The following TAX1BP1 variants were observed in gnomAD, a reference collection of about 807,000 sequenced individuals.
The protein encoded by TAX1BP1 is Tax1 binding protein 1.
In TAX1BP1, 62 loss-of-function variants were observed where a neutral mutation model predicts 97.7. The observed-to-expected ratio is 0.63, with a 90% CI of 0.52 to 0.78. The LOEUF (loss-of-function observed/expected upper bound fraction) is 0.78, where lower values mean the gene tolerates loss of function less well. Among genes scored for constraint, TAX1BP1 ranks in the 30% least tolerant of loss-of-function variants. The probability of loss-of-function intolerance (pLI) is 0.00; values close to 1 mark genes in which losing one functional copy is unlikely to be tolerated. For synonymous variants in TAX1BP1, 340 were observed against 304.2 expected, an observed-to-expected ratio of 1.12 and a Z score of -1.23; for missense variants, 867 against 916.1, an observed-to-expected ratio of 0.95 and a Z score of 0.69.
chr7:27,749,311 T>A (rs1439101686), intron 2 of TAX1BP1, among the ~76,000 whole-genome samples: 35 of 152,198 alleles, frequency 2.3e-4, no homozygotes, highest in Admixed American at 2.3e-3. Flanking sequence ...TTTTAACTCT[T>A]CAAAATGTAG....
chr7:27,794,276 T>C, intron 10 of TAX1BP1, 47 bp from the exon 11 acceptor site: 1 of 1,500,010 alleles, frequency 6.7e-7, no homozygotes, highest in Non-Finnish European at 9.1e-7. Context: ...GGAGGAAATA[T>C]AACTAATTCA....
chr7:27,760,832 T>C (rs574903913), intron 3 of TAX1BP1, among the ~76,000 whole-genome samples: 2 of 152,326 alleles, frequency 1.3e-5, no homozygotes, highest in African/African-American at 4.8e-5. Flanking sequence ...TTTCCAAACT[T>C]AACTTTAATT....
At chr7:27,828,020 C>G (rs1373553374) in intron 16 of TAX1BP1, among the ~76,000 whole-genome samples, 200 bp downstream of exon 16, 1 of 152,160 alleles carries the variant, frequency 6.6e-6, no homozygotes, top group African/African-American at 2.4e-5. Flanking sequence ...TTTTAACTTG[C>G]AGTATTTAAA....
At chr7:27,779,815 C>T (rs924277599) in intron 5 of TAX1BP1, among the ~76,000 whole-genome samples, 1 of 152,120 alleles carries the variant, frequency 6.6e-6, no homozygotes, top group African/African-American at 2.4e-5. Context: ...CCACTGCCCA[C>T]CCTTAGATTC....
intron 1 of TAX1BP1, among the ~76,000 whole-genome samples, chr7:27,746,461 T>G (rs1227088733): frequency 6.6e-6 from 1 of 151,398 alleles, no homozygotes; most frequent in Non-Finnish European, 1.5e-5. Flanking sequence ...AGATAATCAT[T>G]AATGACTTCA....
intron 13 of TAX1BP1, among the ~76,000 whole-genome samples, chr7:27,800,605 CCTTGA>C (rs1790096237): frequency 6.6e-6 from 1 of 151,814 alleles, no homozygotes; most frequent in African/African-American, 2.4e-5. Flanking sequence ...TATTTTAGGG[CCTTGA>C]CTTTTTTTGG....
intron 8 of TAX1BP1, 33 bp downstream of exon 8, chr7:27,787,636 G>C: frequency 1.3e-6 from 2 of 1,534,474 alleles, no homozygotes; most frequent in Non-Finnish European, 1.8e-6. Context: ...TTTGAAGATT[G>C]TAAAACATAC....
intron 7 of TAX1BP1, among the ~76,000 whole-genome samples, chr7:27,786,801 G>A (rs1409620967): frequency 1.3e-5 from 2 of 152,294 alleles, no homozygotes; most frequent in South Asian, 2.1e-4. Context: ...TACTCTTAAC[G>A]AAAGCAGGAT....
rs150323838 is a variant in TAX1BP1, at chr7:27,806,394, TA to T, written c.1764+6306del. On this transcript the variant is annotated intron_variant, in intron 13 of 16. Coordinates refer to ENST00000396319, the MANE Select transcript of TAX1BP1 (RefSeq NM_006024.7). ...AGCCACCATCAGTTTTTTTTTTTTTTAACATTAAAATTTCTTATCCATTTAG... is the reference window on the plus strand; with the variant it reads ...AGCCACCATCAGTTTTTTTTTTTTTTACATTAAAATTTCTTATCCATTTAG... Among the ~76,000 whole-genome samples, 1,130 of 151,912 alleles carry T rather than the reference TA, an allele frequency of 7.4e-3. 15 individuals carry two copies. Among genetic ancestry groups the T allele is most frequent in the African/African-American group, 0.026 (1,085 of 41,382 alleles).
chr7:27,822,168 T>C (rs1365579431), intron 15 of TAX1BP1, among the ~76,000 whole-genome samples: 4 of 152,220 alleles, frequency 2.6e-5, no homozygotes, highest in Non-Finnish European at 5.9e-5. Flanking sequence ...TTACAAAATC[T>C]GAGAAAGTCT....
Position 27,816,880 on chromosome 7 carries a change from T to G in TAX1BP1, c.1937-10T>G. ...AGTTTCACTCTACCTTTCCAAAAAT[T>G]TTATTACAGATGGAGCAGATGGTGC... On this transcript the variant is annotated splice_polypyrimidine_tract_variant and intron_variant, in intron 14 of 16. Coordinates refer to ENST00000396319, the MANE Select transcript of TAX1BP1 (RefSeq NM_006024.7). 1 of 1,613,400 alleles carries G rather than the reference T, an allele frequency of 6.2e-7. No homozygotes were observed. The highest frequency in any genetic ancestry group is 8.5e-7 in the Non-Finnish European group (1 of 1,179,854).
intron 5 of TAX1BP1, among the ~76,000 whole-genome samples, chr7:27,770,963 C>G (rs1386050246): frequency 1.3e-5 from 2 of 151,922 alleles, no homozygotes; most frequent in African/African-American, 2.4e-5. Flanking sequence ...CTGCAGCAGA[C>G]TATAGGAGTA....
chr7:27,748,675 G>T lies in TAX1BP1; in HGVS notation c.151G>T (p.Gly51Cys). 2 of 1,535,538 alleles carry T rather than the reference G, an allele frequency of 1.3e-6. No homozygotes were observed. The highest frequency in any genetic ancestry group is 1.8e-6 in the Non-Finnish European group (2 of 1,135,166). The stretch of plus-strand genomic sequence containing the variant: ...TCATCCACATCCAAAAGATTGGGTT[G>T]GTATATTCAAGGTAAGAAAGCTTTC... ...YIHPHPKDWV[G>C]IFKVGWSTAR... Residue 51 changes from glycine to cysteine, a missense_variant, in exon 2 of 17, where the codon GGT (glycine) becomes TGT (cysteine). Around this residue, in one of 3 missense-constraint regions of TAX1BP1, gnomAD observed 822 missense variants for 851.4 expected, o/e 0.97. Coordinates refer to ENST00000396319, the MANE Select transcript of TAX1BP1 (RefSeq NM_006024.7).
chr7:27,821,115 A>G (rs1790954986), intron 15 of TAX1BP1, among the ~76,000 whole-genome samples: 1 of 152,204 alleles, frequency 6.6e-6, no homozygotes, highest in Non-Finnish European at 1.5e-5. Context: ...GATTAAATGA[A>G]TCTTTGCTGT....
Position 27,767,571 on chromosome 7 carries a change from A to G in TAX1BP1, c.453+1550A>G, listed in dbSNP as rs116536957. The stretch of plus-strand genomic sequence containing the variant: ...TTGTGGTGCAACTGCCTGATGATCA[A>G]GGTTTTTAGCTTTGTATTTGAATGC... On this transcript the variant is annotated intron_variant, in intron 4 of 16. Transcript: ENST00000396319. Among the ~76,000 whole-genome samples, 216 of 152,232 alleles carry G rather than the reference A, an allele frequency of 1.4e-3. 1 individual carries two copies. Among genetic ancestry groups the G allele is most frequent in the African/African-American group, 4.8e-3 (201 of 41,546 alleles).
intron 3 of TAX1BP1, among the ~76,000 whole-genome samples, chr7:27,763,397 A>T (rs1788502780): frequency 6.6e-6 from 1 of 152,196 alleles, no homozygotes; most frequent in Admixed American, 6.5e-5. Flanking sequence ...AGCTCTGAAT[A>T]ATTATGTCTA....
chr7:27,759,305 G>T (rs1361697339), intron 3 of TAX1BP1, among the ~76,000 whole-genome samples: 1 of 152,066 alleles, frequency 6.6e-6, no homozygotes, highest in Non-Finnish European at 1.5e-5. Flanking sequence ...TTTATTGGCA[G>T]ATTTAATCAC....
intron 3 of TAX1BP1, 28 bp from the exon 4 acceptor site, chr7:27,765,806 A>G: frequency 6.4e-7 from 1 of 1,565,834 alleles, no homozygotes; most frequent in South Asian, 1.1e-5. Context: ...AGGAAGTTTA[A>G]TAATTTTGTT....
intron 15 of TAX1BP1, among the ~76,000 whole-genome samples, chr7:27,827,046 G>T (rs567547300): frequency 6.6e-6 from 1 of 152,190 alleles, no homozygotes; most frequent in South Asian, 2.1e-4. Flanking sequence ...GGACAATAAT[G>T]CAGTCTGACA....
Sources: allele counts gnomAD v4.1 joint callset (sites outside exome capture counted in the v4.1 genomes callset), GRCh38; gene constraint gnomAD v4.1.1; regional missense constraint gnomAD v4.1.1; transcripts MANE v1.5; gene names NCBI Gene and HGNC (gene_info 2026-07-23, HGNC 2026-07-21).